Variants in ERAP2 observed in about 807,000 individuals in gnomAD.
ERAP2 encodes the protein leukocyte-derived arginine aminopeptidase.
A neutral mutation model predicts 111.1 loss-of-function variants in ERAP2; 118 were observed. The observed-to-expected ratio is 1.06, with a 90% CI of 0.92 to 1.24. The LOEUF (loss-of-function observed/expected upper bound fraction) is 1.24, where lower values mean the gene tolerates loss of function less well. Ranked by LOEUF, ERAP2 falls within the 50% of genes most tolerant of loss-of-function variation. ERAP2 has a pLI of 0.00. For synonymous variants in ERAP2, 410 were observed against 401.2 expected, an observed-to-expected ratio of 1.02 and a Z score of -0.26; for missense variants, 1,131 against 1,125.8, an observed-to-expected ratio of 1.00 and a Z score of -0.07.
intron 8 of ERAP2, 84 bp from the exon 9 acceptor site, chr5:96,896,648 C>A: frequency 6.9e-7 from 1 of 1,458,184 alleles, no homozygotes; most frequent in Non-Finnish European, 9.2e-7. Context: ...ACACATGTTC[C>A]GTAAAATTTA....
At chr5:96,882,689 C>G (rs1409353306) in intron 2 of ERAP2, among the ~76,000 whole-genome samples, 1 of 152,074 alleles carries the variant, frequency 6.6e-6, no homozygotes, top group Non-Finnish European at 1.5e-5. Flanking sequence ...AAAATTATTC[C>G]AGCCAGTTAG....
chr5:96,902,451 A>ATTGTT, intron 12 of ERAP2, 98 bp downstream of exon 12: 2 of 700,282 alleles, frequency 2.9e-6, no homozygotes, highest in Non-Finnish European at 4.9e-6. Context: ...CTAACAATAA[A>ATTGTT]AGATTTATAT....
chr5:96,903,441 C>T lies in ERAP2; in HGVS notation c.1893C>T (p.Tyr631=), dbSNP rs1403292215. 3.1e-6 allele frequency: 5 copies of T among 1,614,004 alleles called. No individual in the cohort carries two copies. The highest frequency in any genetic ancestry group is 1.1e-5 in the South Asian group (1 of 91,070). The part of the protein sequence containing the change: ...VKFNVDSNGY[Y]IVHYEGHGWD... ...TTAATGTGGACTCAAATGGTTACTA[C>T]ATCGTTCACTATGAGGGTCATGGAT... Residue 631 remains tyrosine (Y), a synonymous_variant, in exon 13 of 19, where the codon TAC becomes TAT. Transcript: ENST00000437043.
At chr5:96,903,196 A>G (rs1200932531) in intron 12 of ERAP2, among the ~76,000 whole-genome samples, 181 bp from the exon 13 acceptor site, 2 of 152,224 alleles carry the variant, frequency 1.3e-5, no homozygotes, top group Non-Finnish European at 2.9e-5. Flanking sequence ...TATTAATTTA[A>G]TAAGACCATC....
At chr5:96,912,265 T>TA (rs76870375) in intron 15 of ERAP2, among the ~76,000 whole-genome samples, 12,576 of 149,506 alleles carry the variant, frequency 0.084, 1,097 homozygotes, top group East Asian at 0.42. Context: ...TAATCATCTT[T>TA]AAAAAAAAAA....
intron 5 of ERAP2, among the ~76,000 whole-genome samples, chr5:96,891,635 A>T (rs1400843910): frequency 6.6e-6 from 1 of 151,632 alleles, no homozygotes; most frequent in African/African-American, 2.4e-5. Flanking sequence ...TGTTTAAATC[A>T]TTAGATTGCA....
rs1398631557 is a variant in ERAP2 at position 96,919,695 on chromosome 5, A to T, written c.*2090A>T. On this transcript the variant is annotated 3_prime_UTR_variant, in exon 19 of 19. Coordinates refer to ENST00000437043, the MANE Select transcript of ERAP2 (RefSeq NM_022350.5). The stretch of plus-strand genomic sequence containing the variant: ...TGTTTTGATAAATAAATAGATTTTT[A>T]AAAATAAATGTATTGTACTTATTAG... 1 of 152,244 alleles carries T rather than the reference A, an allele frequency of 6.6e-6. No homozygotes were observed. Among genetic ancestry groups the T allele is most frequent in the African/African-American group, 2.4e-5 (1 of 41,460 alleles). The allele number at this position is 152,244 out of a possible 1,614,324, so 9.4% of individuals were successfully genotyped here.
chr5:96,890,843 C>T (rs1784272713), intron 5 of ERAP2, among the ~76,000 whole-genome samples: 1 of 152,100 alleles, frequency 6.6e-6, no homozygotes, highest in Admixed American at 6.5e-5. Context: ...TAATTCACTG[C>T]TGTACTTTAG....
chr5:96,890,744 T>C (rs1167904297), intron 5 of ERAP2, among the ~76,000 whole-genome samples: 2 of 152,318 alleles, frequency 1.3e-5, no homozygotes, highest in East Asian at 3.9e-4. Flanking sequence ...TCCAGGGACT[T>C]ATTTCGATAG....
In ERAP2 at chr5:96,919,655, T is replaced by C. The variant is rs1581934565; in HGVS notation, c.*2050T>C. On this transcript the variant is annotated 3_prime_UTR_variant, in exon 19 of 19. Coordinates refer to ENST00000437043, the MANE Select transcript of ERAP2 (RefSeq NM_022350.5). ...TTATTATTTGATGATAATATGAGAATTACTGTGCCAATACTGTTTTGATAA... is the reference window on the plus strand; with the variant it reads ...TTATTATTTGATGATAATATGAGAACTACTGTGCCAATACTGTTTTGATAA... 1 of 152,232 alleles carries C rather than the reference T, an allele frequency of 6.6e-6. No individual in the cohort carries two copies. The highest frequency in any genetic ancestry group is 1.9e-4 in the East Asian group (1 of 5,200). 9.4% of individuals were successfully genotyped at this position (152,232 alleles called of 1,614,324 possible).
intron 2 of ERAP2, chr5:96,881,593 C>A: frequency 2.3e-6 from 1 of 428,264 alleles, no homozygotes; most frequent in Non-Finnish European, 4.7e-6. Flanking sequence ...TTTTCTCATG[C>A]AACAAGAAGT....
At chr5:96,906,005 C>CT (rs1786037723) in intron 13 of ERAP2, among the ~76,000 whole-genome samples, 1 of 148,180 alleles carries the variant, frequency 6.7e-6, no homozygotes, top group South Asian at 2.1e-4. Flanking sequence ...TATTGAATTC[C>CT]TGGCCTCAAG....
chr5:96,889,059 G>T, intron 4 of ERAP2, 126 bp from the exon 5 acceptor site: 2 of 1,149,232 alleles, frequency 1.7e-6, no homozygotes, highest in Non-Finnish European at 1.2e-6. Flanking sequence ...TTGACAACAT[G>T]CTTAATGGTA....
At chr5:96,914,148 T>TCTCTCACACACACACACACA (rs34158080) in intron 17 of ERAP2, among the ~76,000 whole-genome samples, 59 of 148,080 alleles carry the variant, frequency 4.0e-4, no homozygotes, top group African/African-American at 1.3e-3. Flanking sequence ...TCTCTCTCTC[T>TCTCTCACACACACACACACA]CACACACACA....
intron 2 of ERAP2, chr5:96,880,905 G>T (rs1281062842): frequency 6.2e-6 from 1 of 160,114 alleles, no homozygotes; most frequent in South Asian, 1.6e-4. Context: ...GTGCAAGAAA[G>T]GTAGAAAATG....
At chr5:96,891,522 TATACG>T (rs1784382348) in intron 5 of ERAP2, among the ~76,000 whole-genome samples, 1 of 31,644 alleles carries the variant, frequency 3.2e-5, no homozygotes, top group African/African-American at 1.3e-4. Context: ...TATATGCCCA[TATACG>T]GTATATATAC....
At chr5:96,905,864 A>AAAAC (rs1183924680) in intron 13 of ERAP2, among the ~76,000 whole-genome samples, 1 of 152,208 alleles carries the variant, frequency 6.6e-6, no homozygotes, top group Non-Finnish European at 1.5e-5. Flanking sequence ...TCTGTCTCAA[A>AAAAC]AAACAAACAA....
chr5:96,888,365 G>A (rs377638978), intron 4 of ERAP2, among the ~76,000 whole-genome samples: 41 of 152,102 alleles, frequency 2.7e-4, no homozygotes, highest in Non-Finnish European at 5.1e-4. Flanking sequence ...TTGGATTCAC[G>A]TCCCAGCTCT....
chr5:96,883,808 G>GATTT lies in ERAP2; in HGVS notation c.593_596dup (p.Phe199LeufsTer3). The stretch of plus-strand genomic sequence containing the variant: ...TTTTCACAGAATTCTTGCAGTAACA[G>GATTT]ATTTTGAGCCAACCCAGGCACGCAT... On this transcript the variant is annotated frameshift_variant, in exon 3 of 19. Coordinates refer to ENST00000437043, the MANE Select transcript of ERAP2 (RefSeq NM_022350.5). LOFTEE classifies it high-confidence loss of function. 1 of 1,610,908 alleles carries GATTT rather than the reference G, an allele frequency of 6.2e-7. No homozygotes were observed. The highest frequency in any genetic ancestry group is 8.5e-7 in the Non-Finnish European group (1 of 1,179,172).
Sources: gnomAD v4.1 joint callset for allele counts (sites outside exome capture counted in the v4.1 genomes callset) on GRCh38, gnomAD v4.1.1 for gene constraint, MANE v1.5 for transcripts, NCBI Gene and HGNC (gene_info 2026-07-23, HGNC 2026-07-21) for gene names.